Variants in SCRIB observed in about 807,000 individuals in gnomAD.
The protein encoded by SCRIB is scribble planar cell polarity protein, also known as protein scribble homolog.
Under a neutral mutation model 170.0 loss-of-function variants are expected in SCRIB, and 72 were observed. The observed-to-expected ratio is 0.42, with a 90% CI of 0.35 to 0.52. The LOEUF (loss-of-function observed/expected upper bound fraction) is 0.52. Among genes scored for constraint, SCRIB ranks in the 20% least tolerant of loss-of-function variants. The pLI, the probability that SCRIB is intolerant of heterozygous loss-of-function variation, is 0.02. For missense variants in SCRIB, 2,475 were observed against 2,338.5 expected (o/e 1.06, Z -1.20); for synonymous variants, 1,298 against 1,044.3 (o/e 1.24, Z -4.68).
At position 143,812,266 on chromosome 8, in the gene SCRIB, C is replaced by T. The variant is rs532501284; in HGVS notation, c.906G>A (p.Met302Ile). Reference protein sequence around the residue: ...SELILTENLLMALPRSLGKLT... With the variant: ...SELILTENLLIALPRSLGKLT... ...TTCTGCCTCCCAAGCCAGACCCTAC[C>T]ATCAGCAGGTTCTCCGTGAGGATCA... is the stretch of plus-strand genomic sequence containing the variant. Residue 302 changes from methionine to isoleucine, a missense_variant and splice_region_variant, in exon 9 of 37, where the codon ATG (methionine) becomes ATA (isoleucine). Transcript: ENST00000356994. 6.3e-7 allele frequency: 1 copy of T among 1,592,528 alleles called. No individual in the cohort carries two copies. Among genetic ancestry groups the T allele is most frequent in the Non-Finnish European group, 8.6e-7 (1 of 1,160,350 alleles).
rs761006834 is a variant in SCRIB, at chr8:143,809,021, G to A, written c.1703C>T (p.Thr568Met). The A allele has an allele frequency of 1.7e-5, 28 of 1,609,966 alleles. No individual in the cohort carries two copies. Among genetic ancestry groups the A allele is most frequent in the South Asian group, 9.9e-5 (9 of 90,834 alleles). ...EDAEEDYQEP[T>M]VHFAEDALLP... ...CAGTGCGTCCTCTGCGAAATGCACC[G>A]TGGGCTGTGCGGACAAAAGGGTGAG... Residue 568 changes from threonine (T) to methionine (M), a missense_variant, in exon 15 of 37, where the codon ACG becomes ATG. By Grantham distance (81) the Thr-to-Met change is moderately conservative (BLOSUM62 -1). Around this residue, in one of 3 missense-constraint regions of SCRIB, gnomAD observed 1,966 missense variants for 1,742.9 expected, o/e 1.13. Coordinates refer to ENST00000356994, the MANE Select transcript of SCRIB (RefSeq NM_182706.5).
At chr8:143,794,094 GGGATGCCCCAGA>G (rs1487867820) in intron 27 of SCRIB, 132 bp from the exon 28 acceptor site, 2 of 797,396 alleles carry the variant, frequency 2.5e-6, no homozygotes, top group Non-Finnish European at 4.0e-6. Flanking sequence ...TATAGCCCAG[GGGATGCCCCAGA>G]CACTCGGTCA....
rs542577978 is a variant in SCRIB at position 143,794,506 on chromosome 8, G to A, written c.3846+532C>T. Among the ~76,000 whole-genome samples, 8 of 152,258 alleles carry A rather than the reference G, an allele frequency of 5.3e-5. No homozygotes were observed. The East Asian group carries it at 5.8e-4, about 11-fold the overall frequency. ...CCTGGCCCCTCACCACCACCCCACC[G>A]CTTGGGCAAGGGCCTGCAGGAGCCA... On this transcript the variant is annotated intron_variant, in intron 27 of 36. Coordinates refer to ENST00000356994, the MANE Select transcript of SCRIB (RefSeq NM_182706.5).
intron 24 of SCRIB, among the ~76,000 whole-genome samples, chr8:143,800,430 C>T (rs193104688): frequency 1.6e-4 from 25 of 152,250 alleles, no homozygotes; most frequent in Admixed American, 1.2e-3. Context: ...AGGGGCTCTG[C>T]GGGAGGGGAC....
chr8:143,791,449 G>A lies in SCRIB; in HGVS notation c.4771-9C>T, dbSNP rs940053854. ...TCAGCAAAGTCCGGTGACTGTGATG[G>A]GGAGAGTGTTGGTCAGGCCGGTGCC... On this transcript the variant is annotated splice_polypyrimidine_tract_variant and intron_variant, in intron 35 of 36. Coordinates refer to ENST00000356994, the MANE Select transcript of SCRIB (RefSeq NM_182706.5). 2 of 1,610,008 alleles carry A rather than the reference G, an allele frequency of 1.2e-6. No individual in the cohort carries two copies. Among genetic ancestry groups the A allele is most frequent in the Admixed American group, 1.7e-5 (1 of 59,732 alleles).
At chr8:143,814,913 A>C (rs1815993086) in intron 1 of SCRIB, 1 of 410,180 alleles carries the variant, frequency 2.4e-6, no homozygotes, top group Non-Finnish European at 4.4e-6. Flanking sequence ...CAGCCACCTG[A>C]ATCCAAGTTC....
At position 143,804,614 on chromosome 8, in the gene SCRIB, G is replaced by T; in HGVS notation, c.2963C>A (p.Ala988Asp). The change falls in exon 21 of 37, where the codon GCC (alanine) becomes GAC (aspartate). Residue 988 changes from alanine (A) to aspartate (D), a missense_variant. Physicochemically the swap from Ala to Asp is moderately radical, Grantham distance 126. This residue lies in a region of SCRIB where 1,966 missense variants were observed against 1,742.9 expected (regional missense o/e 1.13). Transcript: ENST00000356994. ...TPGVPGLPSL[A>D]PSLLAAALEG... ...CAACGCGGCAGCCAGCAGGCTGGGG[G>T]CCAGGCTCGGCAACCCAGGCACCCC... is the stretch of plus-strand genomic sequence containing the variant. 1.3e-6 allele frequency: 2 copies of T among 1,522,462 alleles called. No individual in the cohort carries two copies. The highest frequency in any genetic ancestry group is 1.8e-6 in the Non-Finnish European group (2 of 1,137,408). 94.3% of individuals were successfully genotyped at this position (1,522,462 alleles called of 1,614,324 possible).
In SCRIB at chr8:143,797,268, T is replaced by A. The variant is rs148121465; in HGVS notation, c.3604-1738A>T. Among the ~76,000 whole-genome samples, 235 of 152,340 alleles carry A rather than the reference T, an allele frequency of 1.5e-3. 2 individuals carry two copies. Among genetic ancestry groups the A allele is most frequent in the African/African-American group, 5.3e-3 (221 of 41,576 alleles). ...AAAATAAATTACGATGGTAAAAGGCTGTCGCCCATGAAATAAAATGGAAGC... is the reference window on the plus strand; with the variant it reads ...AAAATAAATTACGATGGTAAAAGGCAGTCGCCCATGAAATAAAATGGAAGC... On this transcript the variant is annotated intron_variant, in intron 24 of 36. Transcript: ENST00000356994.
intron 24 of SCRIB, among the ~76,000 whole-genome samples, chr8:143,796,953 G>A (rs1814972554): frequency 6.6e-6 from 1 of 152,198 alleles, no homozygotes; most frequent in Non-Finnish European, 1.5e-5. Flanking sequence ...GAATAACCTT[G>A]GGAATGACCG....
intron 24 of SCRIB, among the ~76,000 whole-genome samples, chr8:143,802,708 C>T (rs780960662): frequency 1.3e-5 from 2 of 152,230 alleles, no homozygotes; most frequent in Admixed American, 6.5e-5. Context: ...GGGAAGAAGA[C>T]GGAAGGGAGA....
At chr8:143,793,358 G>A (rs568578275) in intron 28 of SCRIB, 2 of 402,452 alleles carry the variant, frequency 5.0e-6, no homozygotes, top group South Asian at 1.7e-4. Context: ...AGGCAGGTGG[G>A]GGCGGCGGGG....
rs1814873414 is a variant in SCRIB, at chr8:143,794,913, G to A, written c.3846+125C>T. ...CTGGGGTAGCCTGCAGGTCAGACGT[G>A]GCCTCCTCCCACCCCAGCCCCCGCC... is the stretch of plus-strand genomic sequence containing the variant. On this transcript the variant is annotated intron_variant, in intron 27 of 36. Coordinates refer to ENST00000356994, the MANE Select transcript of SCRIB (RefSeq NM_182706.5). The A allele has an allele frequency of 5.9e-6, 5 of 843,006 alleles. No individual in the cohort carries two copies. The Admixed American group carries it at 1.1e-4, about 19-fold the overall frequency. The allele number at this position is 843,006 out of a possible 1,614,324, so 52.2% of individuals were successfully genotyped here.
intron 24 of SCRIB, among the ~76,000 whole-genome samples, chr8:143,796,435 G>T (rs56986583): frequency 2.6e-5 from 4 of 152,174 alleles, no homozygotes; most frequent in East Asian, 1.9e-4. Flanking sequence ...AGCTGAAATG[G>T]TAAGTAAGGG....
chr8:143,815,268 G>A lies in SCRIB; in HGVS notation c.105C>T (p.Ser35=), dbSNP rs1313936159. ...QAVPEEIYRY[S]RSLEELLLDA... ...CGAGCAGCAGCTCCTCCAGGCTGCGGCTGTAGCGGTAGATCTCCTCCGGCA... is the reference window on the plus strand; with the variant it reads ...CGAGCAGCAGCTCCTCCAGGCTGCGACTGTAGCGGTAGATCTCCTCCGGCA... The change falls in exon 1 of 37, where the codon AGC becomes AGT. Residue 35 remains serine, a synonymous_variant. Transcript: ENST00000356994. The A allele has an allele frequency of 1.9e-6, 3 of 1,597,100 alleles. No homozygotes were observed. Among genetic ancestry groups the A allele is most frequent in the Non-Finnish European group, 2.6e-6 (3 of 1,175,036 alleles).
rs1194683616 is a variant in SCRIB, at chr8:143,813,023, G to A, written c.642+7C>T. On this transcript the variant is annotated splice_region_variant and intron_variant, in intron 7 of 36. Transcript: ENST00000356994. ...CGAAGCAGGGGGCCAGCCCCACCCT[G>A]ACTCACCGGGGGCAGTGCTGACAGC... 3.7e-6 allele frequency: 6 copies of A among 1,603,980 alleles called. No individual in the cohort carries two copies. In the South Asian group the frequency reaches 6.7e-5, roughly 18 times the overall value.
intron 21 of SCRIB, 85 bp downstream of exon 21, chr8:143,804,483 C>T: frequency 4.3e-6 from 6 of 1,379,332 alleles, no homozygotes; most frequent in Non-Finnish European, 5.7e-6. Flanking sequence ...GAGTGGGCCG[C>T]AAGGCCATAA....
rs1346469718 is a variant in SCRIB, at chr8:143,795,184, AGG to A, written c.3772-74_3772-73del. On this transcript the variant is annotated intron_variant, in intron 26 of 36. Transcript: ENST00000356994. ...GCACCCGGCCAGCACAGGGCAGGAG[AGG>A]GGGTCCTGGGGGTTACTACCCAGCA... is the stretch of plus-strand genomic sequence containing the variant. The A allele has an allele frequency of 4.7e-5, 75 of 1,597,014 alleles. No individual in the cohort carries two copies. In the African/African-American group the frequency reaches 9.1e-4, roughly 19 times the overall value.
In SCRIB at chr8:143,808,881, T is replaced by C; in HGVS notation, c.1843A>G (p.Lys615Glu). Residue 615 changes from lysine to glutamate, a missense_variant, in exon 15 of 37, where the codon AAG becomes GAG. Physicochemically the swap from Lys to Glu is moderately conservative, Grantham distance 56 (BLOSUM62 1). Coordinates refer to ENST00000356994, the MANE Select transcript of SCRIB (RefSeq NM_182706.5). ...TCGGGCTGGGGCAGCTTGGAGATCT[T>C]GAAGTGCTTTTTGTAGTGAGGTGTG... ...KDTPHYKKHF[K>E]ISKLPQPEAV... The C allele has an allele frequency of 6.2e-7, 1 of 1,609,914 alleles. No individual in the cohort carries two copies. The highest frequency in any genetic ancestry group is 8.5e-7 in the Non-Finnish European group (1 of 1,179,950).
At chr8:143,813,955 G>T in intron 2 of SCRIB, 46 bp downstream of exon 2, 1 of 1,585,044 alleles carries the variant, frequency 6.3e-7, no homozygotes, top group Non-Finnish European at 8.6e-7. Context: ...TGCAGCCCCA[G>T]CGGACACTCC....
Sources: allele counts gnomAD v4.1 joint callset (sites outside exome capture counted in the v4.1 genomes callset), GRCh38; gene constraint gnomAD v4.1.1; regional missense constraint gnomAD v4.1.1; transcripts MANE v1.5; gene names NCBI Gene and HGNC (gene_info 2026-07-23, HGNC 2026-07-21).